ACOT2: variants seen among roughly 807,000 people sequenced by gnomAD.
ACOT2 encodes acyl-CoA thioesterase 2.
ACOT2 carries 15 observed loss-of-function variants against 20.1 expected under a neutral mutation model. The ratio of observed to expected loss-of-function variants is 0.75; its 90% CI spans 0.50 to 1.15. The LOEUF is 1.15. Among genes scored for constraint, ACOT2 ranks in the 50% most tolerant of loss-of-function variants. ACOT2 has a pLI of 0.00. For missense variants in ACOT2, 479 were observed against 615.3 expected, an observed-to-expected ratio of 0.78 and a Z score of 2.34; for synonymous variants, 252 against 268.4, an observed-to-expected ratio of 0.94 and a Z score of 0.60.
At position 73,573,369 on chromosome 14, in the gene ACOT2, T is replaced by C; in HGVS notation, c.644-19T>C. Reference sequence around the variant, plus strand: ...TCAGGAATAGCTTAGTTTTGCATTTTGTTTTGTTTCTTCCCAAGAACCTGG... The same window carrying C: ...TCAGGAATAGCTTAGTTTTGCATTTCGTTTTGTTTCTTCCCAAGAACCTGG... On this transcript the variant is annotated intron_variant, in intron 1 of 2. Coordinates refer to ENST00000238651, the MANE Select transcript of ACOT2 (RefSeq NM_006821.6). 6.2e-7 allele frequency: 1 copy of C among 1,613,674 alleles called. No individual in the cohort carries two copies. Among genetic ancestry groups the C allele is most frequent in the Non-Finnish European group, 8.5e-7 (1 of 1,179,620 alleles).
intron 1 of ACOT2, among the ~76,000 whole-genome samples, chr14:73,572,474 G>A (rs1299438514): frequency 1.3e-5 from 2 of 151,700 alleles, no homozygotes; most frequent in Non-Finnish European, 2.9e-5. Context: ...AAATATTAAG[G>A]TACATAATCT....
chr14:73,569,994 A>G lies in ACOT2; in HGVS notation c.643+111A>G, dbSNP rs1889689843. ...TGCCCCCCCGCCGCGCCCCCGGGCTATATTGCCCAGGCAGGTTTCGAATTC... is the reference window on the plus strand; with the variant it reads ...TGCCCCCCCGCCGCGCCCCCGGGCTGTATTGCCCAGGCAGGTTTCGAATTC... On this transcript the variant is annotated intron_variant, in intron 1 of 2. Coordinates refer to ENST00000238651, the MANE Select transcript of ACOT2 (RefSeq NM_006821.6). The G allele has an allele frequency of 6.3e-6, 9 of 1,429,344 alleles. 1 individual carries two copies. The highest frequency in any genetic ancestry group is 8.3e-6 in the Non-Finnish European group (9 of 1,086,682). 88.5% of individuals were successfully genotyped at this position (1,429,344 alleles called of 1,614,324 possible).
intron 1 of ACOT2, 85 bp from the exon 2 acceptor site, chr14:73,573,301 CAT>C (rs1226113486): frequency 1.8e-5 from 29 of 1,584,552 alleles, no homozygotes; most frequent in African/African-American, 8.0e-5. Flanking sequence ...TGCTGGGTCA[CAT>C]GTGTGGTAAG....
At chr14:73,573,726 T>G (rs1889814476) in intron 2 of ACOT2, 136 bp downstream of exon 2, 1 of 1,080,988 alleles carries the variant, frequency 9.3e-7, no homozygotes, top group Admixed American at 2.3e-5. Flanking sequence ...AGTCACTTCT[T>G]ATAGACAGTT....
chr14:73,573,722 T>C, intron 2 of ACOT2, 132 bp downstream of exon 2: 1 of 1,110,454 alleles, frequency 9.0e-7, no homozygotes, highest in Non-Finnish European at 1.3e-6. Flanking sequence ...TTTTAGTCAC[T>C]TCTTATAGAC....
intron 2 of ACOT2, chr14:73,574,453 A>ACAG (rs1889837735): frequency 3.9e-6 from 1 of 257,080 alleles, no homozygotes; most frequent in African/African-American, 2.3e-5. Flanking sequence ...TTTAGTAGAG[A>ACAG]TGTTTCACCA....
chr14:73,572,270 G>T (rs1296907255), intron 1 of ACOT2, among the ~76,000 whole-genome samples: 1 of 147,390 alleles, frequency 6.8e-6, no homozygotes, highest in African/African-American at 2.5e-5. Flanking sequence ...ATAAATTGAG[G>T]TATATTTCCA....
chr14:73,573,121 CT>C (rs1245741211), intron 1 of ACOT2, among the ~76,000 whole-genome samples: 1 of 151,512 alleles, frequency 6.6e-6, no homozygotes, highest in Non-Finnish European at 1.5e-5. Context: ...AGCAGTCTTT[CT>C]TTTTGTTTCT....
At chr14:73,573,631 G>A in intron 2 of ACOT2, 41 bp downstream of exon 2, 1 of 1,610,424 alleles carries the variant, frequency 6.2e-7, no homozygotes, top group Middle Eastern at 1.7e-4. Context: ...GATGTATCAG[G>A]TCTCTTCTTA....
upstream of ACOT2, chr14:73,567,955 C>T (rs1889634715): frequency 6.6e-6 from 1 of 152,128 alleles, no homozygotes; most frequent in Non-Finnish European, 1.5e-5. Flanking sequence ...AGACACACTA[C>T]TTTTCAGAAC....
Position 73,569,511 on chromosome 14 carries a change from G to C in ACOT2, c.271G>C (p.Glu91Gln). 3 of 1,609,670 alleles carry C rather than the reference G, an allele frequency of 1.9e-6. No individual in the cohort carries two copies. The highest frequency in any genetic ancestry group is 2.2e-5 in the South Asian group (2 of 90,864). ...AATCGCCGTGCGCGGCCTAGCCCCG[G>C]AGCAGCCGGTCACGCTGCGCGCGTC... is the stretch of plus-strand genomic sequence containing the variant. ...VRIAVRGLAP[E>Q]QPVTLRASLR... The change falls in exon 1 of 3, where the codon GAG becomes CAG. Residue 91 changes from glutamate to glutamine, a missense_variant. Physicochemically the swap from Glu to Gln is conservative, Grantham distance 29. This residue lies in a region of ACOT2 where 400 missense variants were observed against 395.5 expected (regional missense o/e 1.01). Transcript: ENST00000238651.
upstream of ACOT2, chr14:73,569,076 T>C (rs755287444): frequency 2.1e-5 from 18 of 856,992 alleles, no homozygotes; most frequent in Admixed American, 2.7e-5. Context: ...ACCTAGGAAG[T>C]AGCTTTCCAA....
chr14:73,570,108 CA>C (rs1222467554), intron 1 of ACOT2, among the ~76,000 whole-genome samples: 2 of 127,152 alleles, frequency 1.6e-5, no homozygotes, highest in African/African-American at 5.7e-5. Context: ...AGGGGAGTTA[CA>C]CTTTTTTTTT....
chr14:73,570,305 C>A lies in ACOT2; in HGVS notation c.643+422C>A, dbSNP rs550960848. Among the ~76,000 whole-genome samples, 3 of 151,866 alleles carry A rather than the reference C, an allele frequency of 2.0e-5. No individual in the cohort carries two copies. In the South Asian group the frequency reaches 6.3e-4, roughly 32 times the overall value. On this transcript the variant is annotated intron_variant, in intron 1 of 2. Coordinates refer to ENST00000238651, the MANE Select transcript of ACOT2 (RefSeq NM_006821.6). ...ATTGTAAGGGCCAGGCGCAGTGGCT[C>A]ACGCTTGTAATCCCAGCACTTTGGG...
rs1207132529 is a variant in ACOT2, at chr14:73,569,467, G to A, written c.227G>A (p.Cys76Tyr). Residue 76 changes from cysteine to tyrosine, a missense_variant, in exon 1 of 3, where the codon TGC (cysteine) becomes TAC (tyrosine). Physicochemically the swap from Cys to Tyr is radical, Grantham distance 194 (BLOSUM62 -2). Coordinates refer to ENST00000238651, the MANE Select transcript of ACOT2 (RefSeq NM_006821.6). Reference sequence around the variant, plus strand: ...ATCCTGGAGCCTGCGGGCCGCTGCTGCTGGGACGAACCGGTGCGAATCGCC... The same window carrying A: ...ATCCTGGAGCCTGCGGGCCGCTGCTACTGGGACGAACCGGTGCGAATCGCC... ...TLILEPAGRC[C>Y]WDEPVRIAVR... The A allele has an allele frequency of 6.2e-7, 1 of 1,613,404 alleles. No homozygotes were observed. The highest frequency in any genetic ancestry group is 8.5e-7 in the Non-Finnish European group (1 of 1,179,736).
chr14:73,569,953 T>A (rs888619138), intron 1 of ACOT2, 70 bp downstream of exon 1: 2 of 1,508,688 alleles, frequency 1.3e-6, no homozygotes, highest in Admixed American at 4.1e-5. Flanking sequence ...CGCCCCACGC[T>A]TTTCGCTTAT....
intron 1 of ACOT2, 103 bp downstream of exon 1, chr14:73,569,986 C>G: frequency 1.4e-6 from 2 of 1,452,614 alleles, no homozygotes; most frequent in Non-Finnish European, 1.8e-6. Context: ...CCGCCGCGCC[C>G]CCGGGCTATA....
At chr14:73,573,724 C>A in intron 2 of ACOT2, 134 bp downstream of exon 2, 1 of 1,088,306 alleles carries the variant, frequency 9.2e-7, no homozygotes, top group South Asian at 1.4e-5. Context: ...TTAGTCACTT[C>A]TTATAGACAG....
chr14:73,569,795 G>A lies in ACOT2; in HGVS notation c.555G>A (p.Thr185=). Residue 185 remains threonine (T), a synonymous_variant, in exon 1 of 3, where the codon ACG becomes ACA. Transcript: ENST00000238651. ...DPDPGRLLCQ[T]RHERYFLPPG... ...ACCCCGGGCGGCTGCTGTGCCAGACGCGGCACGAGCGCTACTTCCTCCCGC... is the reference window on the plus strand; with the variant it reads ...ACCCCGGGCGGCTGCTGTGCCAGACACGGCACGAGCGCTACTTCCTCCCGC... 1 of 1,603,352 alleles carries A rather than the reference G, an allele frequency of 6.2e-7. No homozygotes were observed. Among genetic ancestry groups the A allele is most frequent in the Non-Finnish European group, 8.5e-7 (1 of 1,175,950 alleles).
Sources: gnomAD v4.1 joint callset for allele counts (sites outside exome capture counted in the v4.1 genomes callset) on GRCh38, gnomAD v4.1.1 for gene constraint, gnomAD v4.1.1 regional missense constraint, MANE v1.5 for transcripts, NCBI Gene and HGNC (gene_info 2026-07-23, HGNC 2026-07-21) for gene names.